ALX4: variants seen among roughly 807,000 people sequenced by gnomAD.
The protein encoded by ALX4 is ALX homeobox 4, also known as homeobox protein aristaless-like 4.
Under a neutral mutation model 40.6 loss-of-function variants are expected in ALX4, and 22 were observed. The observed-to-expected ratio is 0.54, with a 90% CI of 0.39 to 0.77. The LOEUF is 0.77. Among genes scored for constraint, ALX4 ranks in the 30% least tolerant of loss-of-function variants. The pLI, the probability that ALX4 is intolerant of heterozygous loss-of-function variation, is 0.00. For missense variants in ALX4, 556 were observed against 564.8 expected, an observed-to-expected ratio of 0.98 and a Z score of 0.16; for synonymous variants, 266 against 240.5, an observed-to-expected ratio of 1.11 and a Z score of -0.98.
chr11:44,271,230 C>T (rs1433625539), intron 2 of ALX4, among the ~76,000 whole-genome samples: 4 of 152,236 alleles, frequency 2.6e-5, no homozygotes, highest in Admixed American at 1.3e-4. Flanking sequence ...ACCCACCCTG[C>T]TGCCTTTATA....
At chr11:44,267,672 A>T (rs534239033) in intron 2 of ALX4, 50 bp from the exon 3 acceptor site, 1 of 1,612,766 alleles carries the variant, frequency 6.2e-7, no homozygotes, top group Middle Eastern at 1.7e-4. Flanking sequence ...GCCCGCCTGG[A>T]GGCCTCACTT....
At chr11:44,267,354 C>A in intron 3 of ALX4, 140 bp downstream of exon 3, 1 of 1,145,094 alleles carries the variant, frequency 8.7e-7, no homozygotes, top group Non-Finnish European at 1.2e-6. Flanking sequence ...CTGGTATAAA[C>A]AGGCACACCC....
intron 1 of ALX4, among the ~76,000 whole-genome samples, chr11:44,282,371 C>T (rs1956314916): frequency 6.6e-6 from 1 of 152,138 alleles, no homozygotes; most frequent in Non-Finnish European, 1.5e-5. Flanking sequence ...TATGGAGCAC[C>T]CGGAACTCCC....
intron 1 of ALX4, among the ~76,000 whole-genome samples, chr11:44,288,868 GGAAA>G (rs1164791255): frequency 2.0e-5 from 3 of 152,212 alleles, no homozygotes; most frequent in Non-Finnish European, 4.4e-5. Flanking sequence ...AAGAAATGGT[GGAAA>G]GAAAGAACCC....
intron 1 of ALX4, among the ~76,000 whole-genome samples, chr11:44,293,630 G>A (rs1299267010): frequency 6.6e-6 from 1 of 152,210 alleles, no homozygotes. Flanking sequence ...GCTAAATCCT[G>A]GGGGATGCAT....
chr11:44,289,956 G>A (rs1488099496), intron 1 of ALX4, among the ~76,000 whole-genome samples: 1 of 152,124 alleles, frequency 6.6e-6, no homozygotes, highest in Non-Finnish European at 1.5e-5. Flanking sequence ...CAATACGTCC[G>A]CAGGGTTCAG....
Position 44,264,981 on chromosome 11 carries a change from G to C in ALX4, c.1109C>G (p.Ala370Gly). 2 of 1,613,162 alleles carry C rather than the reference G, an allele frequency of 1.2e-6. No individual in the cohort carries two copies. The highest frequency in any genetic ancestry group is 8.5e-7 in the Non-Finnish European group (1 of 1,179,946). ...GQTHMGSLFG[A>G]ASLSPGLNGY... The stretch of plus-strand genomic sequence containing the variant: ...ATTGAGGCCTGGGCTGAGGCTGGCT[G>C]CTCCAAACAGGCTGCCCATGTGCGT... The change falls in exon 4 of 4, where the codon GCA becomes GGA. Residue 370 changes from alanine (A) to glycine (G), a missense_variant. Transcript: ENST00000652299.
chr11:44,276,053 TC>T (rs1166158306), intron 1 of ALX4, among the ~76,000 whole-genome samples: 1 of 152,136 alleles, frequency 6.6e-6, no homozygotes, highest in Non-Finnish European at 1.5e-5. Context: ...TGCCATGGCC[TC>T]CCTGGGTGGA....
chr11:44,271,512 C>T (rs1956247388), intron 2 of ALX4, among the ~76,000 whole-genome samples: 1 of 152,192 alleles, frequency 6.6e-6, no homozygotes. Flanking sequence ...TCAGAGTTTC[C>T]CTTTCTGCCT....
chr11:44,285,590 C>T (rs1956333672), intron 1 of ALX4, among the ~76,000 whole-genome samples: 3 of 152,162 alleles, frequency 2.0e-5, no homozygotes, highest in East Asian at 1.9e-4. Flanking sequence ...TCAGCTACCA[C>T]GGTGTCCCCT....
intron 2 of ALX4, 75 bp downstream of exon 2, chr11:44,275,273 A>C (rs945078994): frequency 3.2e-5 from 48 of 1,483,864 alleles, no homozygotes; most frequent in Middle Eastern, 1.8e-4. Context: ...GGCAGTCAGG[A>C]GACCCCAACT....
chr11:44,282,116 A>T (rs1956313794), intron 1 of ALX4, among the ~76,000 whole-genome samples: 1 of 152,234 alleles, frequency 6.6e-6, no homozygotes, highest in African/African-American at 2.4e-5. Context: ...CAGTAAAAGG[A>T]CATTGGGGGA....
intron 1 of ALX4, among the ~76,000 whole-genome samples, chr11:44,293,180 C>G (rs11037941): frequency 0.92 from 95,001 of 103,306 alleles, 43,809 homozygotes; most frequent in Admixed American, 0.95. Context: ...AGCAGGCAGG[C>G]AGGGAGGGAG....
intron 2 of ALX4, among the ~76,000 whole-genome samples, chr11:44,270,310 G>A (rs563484986): frequency 1.3e-5 from 2 of 152,132 alleles, no homozygotes; most frequent in East Asian, 3.9e-4. Flanking sequence ...TCAGGCTGAG[G>A]GATTTATTTG....
rs1412720194 is a variant in ALX4, at chr11:44,262,817, A to G, written c.*2037T>C. 6.6e-6 allele frequency: 1 copy of G among 152,170 alleles called. No individual in the cohort carries two copies. The highest frequency in any genetic ancestry group is 1.5e-5 in the Non-Finnish European group (1 of 68,030). 9.4% of individuals were successfully genotyped at this position (152,170 alleles called of 1,614,324 possible). A position where few individuals can be genotyped will look rare whatever the true frequency, so the allele number is the denominator to read the frequency against. On this transcript the variant is annotated 3_prime_UTR_variant, in exon 4 of 4. Transcript: ENST00000652299. ...AATGGGGAAACTGTTCCCAGCCTTA[A>G]GTTCTTCCTTTCCCTGGCTAGATTT...
intron 1 of ALX4, among the ~76,000 whole-genome samples, chr11:44,276,063 G>A (rs1410245128): frequency 6.6e-6 from 1 of 152,192 alleles, no homozygotes; most frequent in Non-Finnish European, 1.5e-5. Flanking sequence ...TCCCTGGGTG[G>A]AAGGGAAACT....
At chr11:44,305,925 C>A (rs768924691) in intron 1 of ALX4, among the ~76,000 whole-genome samples, 68 of 152,376 alleles carry the variant, frequency 4.5e-4, no homozygotes, top group South Asian at 8.3e-4. Flanking sequence ...GACCAGTACG[C>A]GCCGGCTGCA....
At chr11:44,265,225 TGTGGTGTGGAAG>T in intron 3 of ALX4, 42 bp from the exon 4 acceptor site, 1 of 1,550,726 alleles carries the variant, frequency 6.4e-7, no homozygotes, top group South Asian at 1.2e-5. Flanking sequence ...GGCGGGCAGG[TGTGGTGTGGAAG>T]GGGCTCGCCC....
intron 1 of ALX4, among the ~76,000 whole-genome samples, chr11:44,302,457 C>T (rs935120137): frequency 6.6e-6 from 1 of 152,218 alleles, no homozygotes; most frequent in Non-Finnish European, 1.5e-5. Context: ...TTCATTCTTC[C>T]AGCCAGCGAA....
Sources: allele counts gnomAD v4.1 joint callset (sites outside exome capture counted in the v4.1 genomes callset), GRCh38; gene constraint gnomAD v4.1.1; transcripts MANE v1.5; gene names NCBI Gene and HGNC (gene_info 2026-07-23, HGNC 2026-07-21).